Variants in PIBF1 observed in about 807,000 individuals in gnomAD.
The protein encoded by PIBF1 is progesterone immunomodulatory binding factor 1, also known as progesterone-induced-blocking factor 1.
In PIBF1, 90 loss-of-function variants were observed where a neutral mutation model predicts 112.5. The observed-to-expected ratio is 0.80, with a 90% CI of 0.67 to 0.95. The LOEUF (loss-of-function observed/expected upper bound fraction) is 0.95. Ranked by LOEUF, PIBF1 falls within the 40% of genes least tolerant of loss-of-function variation. The pLI, the probability that PIBF1 is intolerant of heterozygous loss-of-function variation, is 0.00. For missense variants in PIBF1, 915 were observed against 852.3 expected (o/e 1.07, Z -0.92); for synonymous variants, 301 against 288.6 (o/e 1.04, Z -0.44).
At chr13:72,883,044 T>C (rs1010324963) in intron 10 of PIBF1, among the ~76,000 whole-genome samples, 12 of 152,332 alleles carry the variant, frequency 7.9e-5, no homozygotes, top group Middle Eastern at 3.4e-3. Flanking sequence ...TCCATACTTA[T>C]TGCAGCACTG....
rs540709916 is a variant in PIBF1 at position 72,989,033 on chromosome 13, A to G, written c.2050-9789A>G. ...AGCCTGGGTGACAGAGTGAGTCTCC[A>G]TCTCAAAAAAAAGAAAAAGAAATTA... On this transcript the variant is annotated intron_variant, in intron 16 of 17. Coordinates refer to ENST00000326291, the MANE Select transcript of PIBF1 (RefSeq NM_006346.4). 3.9e-5 allele frequency among the ~76,000 whole-genome samples: 6 copies of G among 152,242 alleles called. No homozygotes were observed. In the South Asian group the frequency reaches 1.2e-3, roughly 32 times the overall value.
chr13:72,958,599 C>CTGTGG (rs2042519691), intron 14 of PIBF1, among the ~76,000 whole-genome samples: 1 of 152,164 alleles, frequency 6.6e-6, no homozygotes, highest in Non-Finnish European at 1.5e-5. Flanking sequence ...ACTGTCCGTT[C>CTGTGG]CACCACAGTC....
chr13:72,836,021 C>T, intron 9 of PIBF1: 1 of 403,308 alleles, frequency 2.5e-6, no homozygotes, highest in South Asian at 1.9e-5. Flanking sequence ...ATGGCATGAA[C>T]CGGGGACACA....
chr13:72,873,829 G>A (rs1308794984), intron 10 of PIBF1, among the ~76,000 whole-genome samples: 5 of 151,968 alleles, frequency 3.3e-5, no homozygotes, highest in East Asian at 1.9e-4. Flanking sequence ...ATAGTCTTGA[G>A]GAAAATATTT....
At chr13:72,940,940 G>A (rs1382038749) in intron 14 of PIBF1, among the ~76,000 whole-genome samples, 5 of 151,912 alleles carry the variant, frequency 3.3e-5, no homozygotes, top group South Asian at 2.1e-4. Flanking sequence ...GGCACTATCT[G>A]TAAATTGTCA....
intron 8 of PIBF1, among the ~76,000 whole-genome samples, chr13:72,828,425 T>C (rs1436773222): frequency 6.6e-6 from 1 of 152,040 alleles, no homozygotes; most frequent in Admixed American, 6.5e-5. Context: ...ATCCCTCCCC[T>C]AGCCCCCCAC....
At chr13:72,968,403 C>T (rs982496633) in intron 15 of PIBF1, among the ~76,000 whole-genome samples, 1 of 151,342 alleles carries the variant, frequency 6.6e-6, no homozygotes, top group African/African-American at 2.4e-5. Context: ...CAGGTTCAAG[C>T]GATTCTCCTG....
intron 10 of PIBF1, among the ~76,000 whole-genome samples, chr13:72,891,818 C>T (rs1033600791): frequency 6.6e-6 from 1 of 152,114 alleles, no homozygotes; most frequent in African/African-American, 2.4e-5. Flanking sequence ...TGTCCATCAA[C>T]TGATGATGGA....
At chr13:72,993,860 C>G (rs750008010) in intron 16 of PIBF1, among the ~76,000 whole-genome samples, 1 of 152,004 alleles carries the variant, frequency 6.6e-6, no homozygotes, top group African/African-American at 2.4e-5. Context: ...AGCACCCTCT[C>G]AGAACATTAA....
chr13:72,876,777 C>T (rs1311697053), intron 10 of PIBF1, among the ~76,000 whole-genome samples: 1 of 152,162 alleles, frequency 6.6e-6, no homozygotes, highest in East Asian at 1.9e-4. Context: ...GCCCTTGTAT[C>T]CTGCAACATT....
chr13:72,926,944 GT>G (rs2041503786), intron 13 of PIBF1, among the ~76,000 whole-genome samples: 1 of 151,886 alleles, frequency 6.6e-6, no homozygotes, highest in African/African-American at 2.4e-5. Context: ...TTTAATACAT[GT>G]TTCTTCAAAG....
At chr13:72,971,395 C>G (rs1197790173) in intron 15 of PIBF1, among the ~76,000 whole-genome samples, 2 of 152,120 alleles carry the variant, frequency 1.3e-5, no homozygotes, top group African/African-American at 4.8e-5. Flanking sequence ...GGTTAGAATT[C>G]TAGAGTTAGA....
At chr13:72,795,654 T>C (rs749752303) in intron 4 of PIBF1, 97 bp downstream of exon 4, 1 of 735,390 alleles carries the variant, frequency 1.4e-6, no homozygotes, top group East Asian at 2.8e-5. Flanking sequence ...ACCCAATTGA[T>C]ACATTATTTT....
At chr13:72,985,215 C>G (rs567071946) in intron 16 of PIBF1, among the ~76,000 whole-genome samples, 2 of 152,112 alleles carry the variant, frequency 1.3e-5, no homozygotes, top group South Asian at 4.1e-4. Context: ...ATCTCTGAAA[C>G]TGTATAATCT....
intron 14 of PIBF1, among the ~76,000 whole-genome samples, chr13:72,942,503 A>G (rs1020531021): frequency 2.0e-5 from 3 of 152,136 alleles, no homozygotes; most frequent in African/African-American, 7.2e-5. Flanking sequence ...TTAAATGACA[A>G]TTGTACTCAG....
chr13:72,858,942 A>G (rs1433482369), intron 10 of PIBF1, among the ~76,000 whole-genome samples: 1 of 151,958 alleles, frequency 6.6e-6, no homozygotes, highest in African/African-American at 2.4e-5. Context: ...ATTACATAAC[A>G]TATTTTGATA....
chr13:72,834,032 T>C (rs1308103408), intron 8 of PIBF1, among the ~76,000 whole-genome samples: 1 of 152,240 alleles, frequency 6.6e-6, no homozygotes, highest in Non-Finnish European at 1.5e-5. Flanking sequence ...TTTTCATTTG[T>C]GGCATAATTT....
chr13:72,904,936 G>A (rs974776447), intron 11 of PIBF1, among the ~76,000 whole-genome samples: 8 of 151,814 alleles, frequency 5.3e-5, no homozygotes, highest in African/African-American at 1.7e-4. Flanking sequence ...AATCAGCCTT[G>A]ACTCATTTTA....
intron 14 of PIBF1, among the ~76,000 whole-genome samples, chr13:72,933,620 C>T (rs2041777366): frequency 6.6e-6 from 1 of 152,218 alleles, no homozygotes; most frequent in Non-Finnish European, 1.5e-5. Flanking sequence ...TGAGATCGTG[C>T]CATCGTACTC....
Sources: allele counts gnomAD v4.1 joint callset (sites outside exome capture counted in the v4.1 genomes callset), GRCh38; gene constraint gnomAD v4.1.1; transcripts MANE v1.5; gene names NCBI Gene and HGNC (gene_info 2026-07-23, HGNC 2026-07-21).